The following CD300A variants were observed in gnomAD, a reference collection of about 807,000 sequenced individuals.
CD300A encodes the protein CD300a molecule.
In CD300A, 22 loss-of-function variants were observed where a neutral mutation model predicts 33.6. The ratio of observed to expected loss-of-function variants is 0.66; its 90% confidence interval spans 0.47 to 0.94. The LOEUF is 0.94. Among genes scored for constraint, CD300A ranks in the 40% least tolerant of loss-of-function variants. CD300A has a pLI of 0.00. For missense variants in CD300A, 326 were observed against 360.5 expected, an observed-to-expected ratio of 0.90 and a Z score of 0.77; for synonymous variants, 136 against 148.1, an observed-to-expected ratio of 0.92 and a Z score of 0.59.
chr17:74,477,541 T>A lies in CD300A; in HGVS notation c.628+11T>A, dbSNP rs1354826679. On this transcript the variant is annotated intron_variant, in intron 4 of 6. Coordinates refer to ENST00000360141, the MANE Select transcript of CD300A (RefSeq NM_007261.4). ...AGAAATGGATCAAAGGTGAGTTGGCTCCCCACACCCCTCTGCCCCACCTGG... is the reference window on the plus strand; with the variant it reads ...AGAAATGGATCAAAGGTGAGTTGGCACCCCACACCCCTCTGCCCCACCTGG... 19 of 1,603,976 alleles carry A rather than the reference T, an allele frequency of 1.2e-5. No individual in the cohort carries two copies. The highest frequency in any genetic ancestry group is 1.5e-5 in the Non-Finnish European group (18 of 1,172,374).
At chr17:74,473,040 G>A (rs1398125181) in intron 1 of CD300A, among the ~76,000 whole-genome samples, 1 of 152,078 alleles carries the variant, frequency 6.6e-6, no homozygotes, top group Non-Finnish European at 1.5e-5. Flanking sequence ...TCCCGGGAGT[G>A]CAGGTGCTTA....
In CD300A at chr17:74,484,619, C is replaced by T. The variant is rs1907131965; in HGVS notation, c.*493C>T. On this transcript the variant is annotated 3_prime_UTR_variant, in exon 7 of 7. Coordinates refer to ENST00000360141, the MANE Select transcript of CD300A (RefSeq NM_007261.4). ...GGGGGGACCCACTAAAGATCAAGAT[C>T]AAAGATTCTCCCCATCTCACAGACA... is the stretch of plus-strand genomic sequence containing the variant. The T allele has an allele frequency of 6.6e-6, 1 of 152,406 alleles. No homozygotes were observed. Among genetic ancestry groups the T allele is most frequent in the Non-Finnish European group, 1.5e-5 (1 of 68,270 alleles). The allele number at this position is 152,406 out of a possible 1,614,324, so 9.4% of individuals were successfully genotyped here. A position where few individuals can be genotyped will look rare whatever the true frequency, so the allele number is the denominator to read the frequency against.
At position 74,475,106 on chromosome 17, in the gene CD300A, G is replaced by A. The variant is rs1598452238; in HGVS notation, c.533+421G>A. Reference sequence around the variant, plus strand: ...TTTTAATGTACTCACAGTTCCACATGGCTGAGGAGGCCTCACAATCAAGGC... The same window carrying A: ...TTTTAATGTACTCACAGTTCCACATAGCTGAGGAGGCCTCACAATCAAGGC... On this transcript the variant is annotated intron_variant, in intron 3 of 6. Transcript: ENST00000360141. 3.9e-5 allele frequency among the ~76,000 whole-genome samples: 6 copies of A among 152,262 alleles called. No individual in the cohort carries two copies. In the South Asian group the frequency reaches 1.2e-3, roughly 32 times the overall value.
intron 1 of CD300A, among the ~76,000 whole-genome samples, chr17:74,468,121 G>T (rs577754837): frequency 3.0e-4 from 46 of 151,844 alleles, no homozygotes; most frequent in African/African-American, 1.1e-3. Context: ...TGCAACCTAC[G>T]CCTCCCAGGT....
At chr17:74,477,876 G>A (rs1906582280) in intron 4 of CD300A, among the ~76,000 whole-genome samples, 1 of 152,124 alleles carries the variant, frequency 6.6e-6, no homozygotes, top group Admixed American at 6.5e-5. Context: ...GCTGAGATGG[G>A]AGGATTGCTT....
At position 74,480,594 on chromosome 17, in the gene CD300A, G is replaced by A. The variant is rs1287215844; in HGVS notation, c.629-695G>A. ...CACGGGGATGGGAGCAGAGGCCCCA[G>A]CAACTTCCCACAGTCTGATGCAGCC... is the stretch of plus-strand genomic sequence containing the variant. On this transcript the variant is annotated intron_variant, in intron 4 of 6. Transcript: ENST00000360141. This position sits in a 1 kb window ranked among gnomAD's most constrained non-coding sequence, Gnocchi z 4.2. 1.3e-5 allele frequency among the ~76,000 whole-genome samples: 2 copies of A among 152,188 alleles called. No homozygotes were observed. The highest frequency in any genetic ancestry group is 2.9e-5 in the Non-Finnish European group (2 of 68,024).
At chr17:74,476,542 A>G (rs1346004097) in intron 3 of CD300A, among the ~76,000 whole-genome samples, 1 of 152,168 alleles carries the variant, frequency 6.6e-6, no homozygotes, top group African/African-American at 2.4e-5. Context: ...TAAGAAAAAG[A>G]TGAGAAAATT....
intron 6 of CD300A, among the ~76,000 whole-genome samples, 189 bp from the exon 7 acceptor site, chr17:74,483,812 C>T (rs1280022110): frequency 6.6e-6 from 1 of 152,164 alleles, no homozygotes; most frequent in Non-Finnish European, 1.5e-5. Flanking sequence ...TGTTGTGCTG[C>T]TGCTTGCCCA....
chr17:74,474,446 G>T, intron 2 of CD300A, 86 bp from the exon 3 acceptor site: 8 of 1,378,198 alleles, frequency 5.8e-6, no homozygotes, highest in Non-Finnish European at 8.2e-6. Context: ...TGGGCAGTTT[G>T]TGTGAAATCA....
chr17:74,469,435 A>G (rs867216538), intron 1 of CD300A, among the ~76,000 whole-genome samples: 6 of 152,050 alleles, frequency 3.9e-5, no homozygotes, highest in Middle Eastern at 3.4e-3. Flanking sequence ...AGTGTCGCCC[A>G]GGTTTGCAGA....
chr17:74,466,814 G>C lies in CD300A; in HGVS notation c.40+71G>C, dbSNP rs951738590. The stretch of plus-strand genomic sequence containing the variant: ...TGCGAGGGGCAGGGCCGCAGGGCAG[G>C]TATCACACGAGACGCCCCGAGTCTG... On this transcript the variant is annotated intron_variant, in intron 1 of 6. Transcript: ENST00000360141. The C allele has an allele frequency of 1.9e-6, 3 of 1,551,792 alleles. No individual in the cohort carries two copies. In the African/African-American group the frequency reaches 4.1e-5, roughly 21 times the overall value.
intron 1 of CD300A, among the ~76,000 whole-genome samples, chr17:74,467,393 C>T (rs937729048): frequency 1.3e-5 from 2 of 152,040 alleles, no homozygotes; most frequent in African/African-American, 4.8e-5. Context: ...GGTCAGTCCT[C>T]TCCAAGAAGG....
At chr17:74,477,698 T>G (rs1027613756) in intron 4 of CD300A, among the ~76,000 whole-genome samples, 168 bp downstream of exon 4, 4 of 152,154 alleles carry the variant, frequency 2.6e-5, no homozygotes, top group African/African-American at 9.7e-5. Context: ...GGAGGCATCC[T>G]TGTGCGTGGT....
chr17:74,470,490 G>T (rs1403397611), intron 1 of CD300A, among the ~76,000 whole-genome samples: 1 of 152,042 alleles, frequency 6.6e-6, no homozygotes, highest in African/African-American at 2.4e-5. Flanking sequence ...GACAGGATTG[G>T]GTGCAGTGGG....
intron 3 of CD300A, 105 bp downstream of exon 3, chr17:74,474,790 C>T (rs978950422): frequency 1.6e-6 from 2 of 1,286,012 alleles, no homozygotes; most frequent in South Asian, 2.9e-5. Flanking sequence ...TGCATCGCTC[C>T]CTTTGCCCCA....
rs780843485 is a variant in CD300A, at chr17:74,484,091, C to T, written c.865C>T (p.Pro289Ser). 2 of 1,614,010 alleles carry T rather than the reference C, an allele frequency of 1.2e-6. No individual in the cohort carries two copies. Among genetic ancestry groups the T allele is most frequent in the South Asian group, 1.1e-5 (1 of 91,080 alleles). The change falls in exon 7 of 7, where the codon CCA becomes TCA. Residue 289 changes from proline to serine, a missense_variant. Pro to Ser is a moderately conservative substitution (Grantham distance 74, BLOSUM62 -1). Coordinates refer to ENST00000360141, the MANE Select transcript of CD300A (RefSeq NM_007261.4). ...TGCTCAGAGGCCTCGGGAGGAGGAA[C>T]CAGATTCAGATTACAGTGTGATAAG... is the stretch of plus-strand genomic sequence containing the variant. ...IAAQRPREEE[P>S]DSDYSVIRKT
intron 1 of CD300A, among the ~76,000 whole-genome samples, chr17:74,470,562 G>A (rs1178955446): frequency 1.3e-5 from 2 of 152,112 alleles, no homozygotes; most frequent in Non-Finnish European, 2.9e-5. Flanking sequence ...GAAAGATGAC[G>A]ATTCGCAGCC....
rs1254458415 is a variant in CD300A at position 74,484,024 on chromosome 17, C to T, written c.798C>T (p.His266=). The part of the protein sequence containing the change: ...STVASPREEL[H]YASVVFDSNT... ...AGGCCTCCCCCAGGGAAGAACTTCACTATGCCTCGGTGGTGTTTGATTCTA... is the reference window on the plus strand; with the variant it reads ...AGGCCTCCCCCAGGGAAGAACTTCATTATGCCTCGGTGGTGTTTGATTCTA... The change falls in exon 7 of 7, where the codon CAC becomes CAT. Residue 266 remains histidine (H), a synonymous_variant. Coordinates refer to ENST00000360141, the MANE Select transcript of CD300A (RefSeq NM_007261.4). 1 of 1,613,946 alleles carries T rather than the reference C, an allele frequency of 6.2e-7. No homozygotes were observed. Among genetic ancestry groups the T allele is most frequent in the Non-Finnish European group, 8.5e-7 (1 of 1,179,966 alleles).
chr17:74,481,747 C>A lies in CD300A; in HGVS notation c.688C>A (p.His230Asn), dbSNP rs766796691. The change falls in exon 6 of 7, where the codon CAC becomes AAC. Residue 230 changes from histidine to asparagine, a missense_variant. Coordinates refer to ENST00000360141, the MANE Select transcript of CD300A (RefSeq NM_007261.4). The part of the protein sequence containing the change: ...PKQAATQSEL[H>N]YANLELLMWP... ...CCAGGCTGCCACGCAGAGTGAGCTG[C>A]ACTACGCAAATCTGGAGCTGCTGAT... The A allele has an allele frequency of 2.2e-5, 36 of 1,611,708 alleles. No homozygotes were observed. The highest frequency in any genetic ancestry group is 3.1e-5 in the Non-Finnish European group (36 of 1,179,298).
Sources: gnomAD v4.1 joint callset for allele counts (sites outside exome capture counted in the v4.1 genomes callset) on GRCh38, gnomAD v4.1.1 for gene constraint, Gnocchi (gnomAD v3.1) non-coding constraint, MANE v1.5 for transcripts, NCBI Gene and HGNC (gene_info 2026-07-23, HGNC 2026-07-21) for gene names.